Variants in GABBR2 observed in about 807,000 individuals in gnomAD.
The protein encoded by GABBR2 is G-protein coupled receptor 51.
A neutral mutation model predicts 105.6 loss-of-function variants in GABBR2; 23 were observed. That is an observed-to-expected ratio of 0.22 (90% CI 0.16 to 0.31). GABBR2 has a LOEUF of 0.31. Among genes scored for constraint, GABBR2 ranks in the 10% least tolerant of loss-of-function variants. The pLI is 1.00. For synonymous variants in GABBR2, 478 were observed against 499.7 expected, an observed-to-expected ratio of 0.96 and a Z score of 0.58; for missense variants, 734 against 1,245.5, an observed-to-expected ratio of 0.59 and a Z score of 6.18.
chr9:98,401,870 T>C (rs1238894811), intron 8 of GABBR2, among the ~76,000 whole-genome samples: 3 of 152,208 alleles, frequency 2.0e-5, no homozygotes, highest in South Asian at 4.1e-4. Flanking sequence ...TTATTCAACT[T>C]GGTTTTCTCC....
chr9:98,549,502 G>T (rs1828449574), intron 2 of GABBR2, among the ~76,000 whole-genome samples: 1 of 152,172 alleles, frequency 6.6e-6, no homozygotes, highest in South Asian at 2.1e-4. Context: ...CTTTCACGTT[G>T]TTCAGATGCC....
chr9:98,430,722 C>G (rs1825792815), intron 7 of GABBR2, among the ~76,000 whole-genome samples: 4 of 152,072 alleles, frequency 2.6e-5, no homozygotes, highest in Non-Finnish European at 5.9e-5. Flanking sequence ...AAACTTCTGC[C>G]TCCTTTGTCT....
chr9:98,381,585 C>A (rs576731140), intron 11 of GABBR2, among the ~76,000 whole-genome samples: 40 of 152,350 alleles, frequency 2.6e-4, no homozygotes, highest in African/African-American at 9.6e-4. Flanking sequence ...CCAGCCCTAA[C>A]CCATGTACAC....
intron 1 of GABBR2, among the ~76,000 whole-genome samples, chr9:98,599,232 GCT>G (rs1484766639): frequency 6.6e-6 from 1 of 152,124 alleles, no homozygotes; most frequent in Non-Finnish European, 1.5e-5. Flanking sequence ...ACTGGGCAAG[GCT>G]CTGAGTCCCC....
chr9:98,560,744 ATAT>A (rs1299343729), intron 2 of GABBR2, among the ~76,000 whole-genome samples: 1 of 147,670 alleles, frequency 6.8e-6, no homozygotes, highest in Non-Finnish European at 1.5e-5. Flanking sequence ...TATATAGTAT[ATAT>A]TATATTTAGT....
intron 7 of GABBR2, among the ~76,000 whole-genome samples, chr9:98,445,242 C>T (rs545817743): frequency 1.7e-4 from 26 of 152,274 alleles, no homozygotes; most frequent in Admixed American, 1.2e-3. Context: ...GATAGTAATT[C>T]GCTGGAGGAG....
At chr9:98,414,467 A>G (rs1343777168) in intron 7 of GABBR2, among the ~76,000 whole-genome samples, 2 of 152,232 alleles carry the variant, frequency 1.3e-5, no homozygotes, top group Non-Finnish European at 2.9e-5. Flanking sequence ...AAGGCCACGC[A>G]GAACCTTACC....
At chr9:98,302,398 G>A (rs1830483940) in intron 16 of GABBR2, among the ~76,000 whole-genome samples, 2 of 152,326 alleles carry the variant, frequency 1.3e-5, no homozygotes, top group South Asian at 4.1e-4. Flanking sequence ...GAAAACCAGA[G>A]GGCAGGAACC....
chr9:98,518,608 C>T (rs984245126), intron 3 of GABBR2, among the ~76,000 whole-genome samples: 1 of 152,208 alleles, frequency 6.6e-6, no homozygotes, highest in African/African-American at 2.4e-5. Flanking sequence ...CCTGCTTTCT[C>T]GGCCCTGCTC....
rs745534419 is a variant in GABBR2 at position 98,303,280 on chromosome 9, T to C, written c.2373A>G (p.Leu791=). 1.9e-6 allele frequency: 3 copies of C among 1,614,208 alleles called. No homozygotes were observed. The highest frequency in any genetic ancestry group is 2.5e-6 in the Non-Finnish European group (3 of 1,180,028). Residue 791 remains leucine (L), a synonymous_variant, in exon 16 of 19, where the codon CTA becomes CTG. Coordinates refer to ENST00000259455, the MANE Select transcript of GABBR2 (RefSeq NM_005458.8). ...NQASTSRLEG[L]QSENHRLRMK... Reference sequence around the variant, plus strand: ...TTCGCAGGCGATGGTTTTCTGACTGTAGGCCCTCCAGGCGGGATGTGCTGG... The same window carrying C: ...TTCGCAGGCGATGGTTTTCTGACTGCAGGCCCTCCAGGCGGGATGTGCTGG...
At chr9:98,392,140 TGGGGGCAGAGCCC>T (rs1321220811) in intron 9 of GABBR2, among the ~76,000 whole-genome samples, 1 of 152,128 alleles carries the variant, frequency 6.6e-6, no homozygotes, top group Non-Finnish European at 1.5e-5. Flanking sequence ...TCTCTCAGCC[TGGGGGCAGAGCCC>T]GGGGCTGAAA....
chr9:98,584,562 T>G (rs1401169103), intron 1 of GABBR2, among the ~76,000 whole-genome samples: 3 of 152,206 alleles, frequency 2.0e-5, no homozygotes, highest in African/African-American at 7.2e-5. Flanking sequence ...CCAAAAGCCA[T>G]GAAAATCAAT....
chr9:98,703,845 A>T (rs573698114), intron 1 of GABBR2, among the ~76,000 whole-genome samples: 6 of 151,762 alleles, frequency 4.0e-5, no homozygotes, highest in African/African-American at 1.4e-4. Context: ...AAAATTAAAA[A>T]TTTATATTTT....
chr9:98,450,239 G>A (rs1021253289), intron 7 of GABBR2, among the ~76,000 whole-genome samples: 2 of 152,022 alleles, frequency 1.3e-5, no homozygotes, highest in Non-Finnish European at 2.9e-5. Flanking sequence ...TTCAGCAAAT[G>A]GAAAATGCTT....
At chr9:98,675,525 A>C (rs1268673643) in intron 1 of GABBR2, among the ~76,000 whole-genome samples, 1 of 152,246 alleles carries the variant, frequency 6.6e-6, no homozygotes, top group Admixed American at 6.5e-5. Context: ...GCATGAGGAC[A>C]GTTCTGGAAA....
intron 2 of GABBR2, among the ~76,000 whole-genome samples, chr9:98,551,886 AC>A (rs1393239610): frequency 6.6e-6 from 1 of 152,186 alleles, no homozygotes; most frequent in Non-Finnish European, 1.5e-5. Context: ...GATGGATTGG[AC>A]CAAAGATTTC....
intron 3 of GABBR2, among the ~76,000 whole-genome samples, chr9:98,513,249 A>T (rs1827688590): frequency 6.6e-6 from 1 of 151,898 alleles, no homozygotes; most frequent in Admixed American, 6.6e-5. Context: ...TTATACAAAA[A>T]TTAATTCAAG....
At chr9:98,461,266 GA>G (rs1826419974) in intron 6 of GABBR2, among the ~76,000 whole-genome samples, 1 of 152,162 alleles carries the variant, frequency 6.6e-6, no homozygotes, top group Admixed American at 6.5e-5. Flanking sequence ...TCAGTGCCAA[GA>G]AAATCTTAAA....
intron 2 of GABBR2, among the ~76,000 whole-genome samples, chr9:98,550,220 G>C (rs1324507664): frequency 6.6e-6 from 1 of 152,120 alleles, no homozygotes; most frequent in Non-Finnish European, 1.5e-5. Flanking sequence ...TAATCGTATG[G>C]ATAAGAAAAC....
Sources: allele counts gnomAD v4.1 joint callset (sites outside exome capture counted in the v4.1 genomes callset), GRCh38; gene constraint gnomAD v4.1.1; transcripts MANE v1.5; gene names NCBI Gene and HGNC (gene_info 2026-07-23, HGNC 2026-07-21).